CSTPP1: variants seen among roughly 807,000 people sequenced by gnomAD.
CSTPP1 encodes centriolar satellite-associated tubulin polyglutamylase complex regulator 1.
the CSTPP1 span, among the ~76,000 whole-genome samples, chr11:47,121,687 A>G: frequency 6.6e-6 from 1 of 152,106 alleles, no homozygotes; most frequent in Non-Finnish European, 1.5e-5. Context: ...GCAGAGTTTC[A>G]AGTCTCCCAA....
At chr11:47,137,658 G>T in the CSTPP1 span, 1 of 1,614,154 alleles carries the variant, frequency 6.2e-7, no homozygotes, top group Non-Finnish European at 8.5e-7. Flanking sequence ...TGCTGACCAT[G>T]AAAGAATATC....
chr11:47,025,990 G>A, the CSTPP1 span, among the ~76,000 whole-genome samples: 2 of 152,156 alleles, frequency 1.3e-5, no homozygotes, highest in African/African-American at 4.8e-5. Context: ...ATAGAGAGGA[G>A]GGGAAGGAAT....
At chr11:46,969,648 A>G in the CSTPP1 span, among the ~76,000 whole-genome samples, 1 of 152,266 alleles carries the variant, frequency 6.6e-6, no homozygotes. Context: ...ACTGATAAAT[A>G]AATTGTGGTA....
the CSTPP1 span, among the ~76,000 whole-genome samples, chr11:47,079,829 C>T: frequency 6.6e-6 from 1 of 152,136 alleles, no homozygotes; most frequent in Non-Finnish European, 1.5e-5. Context: ...CGCGGTGGCT[C>T]ACGCCTGTAA....
the CSTPP1 span, among the ~76,000 whole-genome samples, chr11:47,122,385 AG>A: frequency 3.3e-5 from 5 of 151,416 alleles, no homozygotes; most frequent in Non-Finnish European, 7.4e-5. Flanking sequence ...GGTGACTTAG[AG>A]GGGGAAGAAA....
chr11:47,057,662 G>A, the CSTPP1 span, among the ~76,000 whole-genome samples: 1 of 152,138 alleles, frequency 6.6e-6, no homozygotes, highest in Non-Finnish European at 1.5e-5. Context: ...CTGGGGTTTA[G>A]GGAGGCTGGA....
the CSTPP1 span, among the ~76,000 whole-genome samples, chr11:47,092,820 T>C: frequency 6.6e-6 from 1 of 152,200 alleles, no homozygotes. Flanking sequence ...TCTTTTAATC[T>C]GGAACAGACC....
At chr11:46,952,217 C>T in the CSTPP1 span, among the ~76,000 whole-genome samples, 3 of 152,218 alleles carry the variant, frequency 2.0e-5, no homozygotes, top group Non-Finnish European at 4.4e-5. Flanking sequence ...GCTAGCAGAG[C>T]AGTCATTCTG....
the CSTPP1 span, chr11:47,155,540 C>A: frequency 1.9e-6 from 1 of 523,114 alleles, no homozygotes. Flanking sequence ...ATGACAATAA[C>A]AACATCCATA....
chr11:46,950,375 G>A, the CSTPP1 span, among the ~76,000 whole-genome samples: 2 of 151,210 alleles, frequency 1.3e-5, no homozygotes, highest in African/African-American at 2.4e-5. Context: ...GAGTTTCACC[G>A]TGTTAGCCAG....
At chr11:47,100,494 G>C in the CSTPP1 span, among the ~76,000 whole-genome samples, 442 of 152,278 alleles carry the variant, frequency 2.9e-3, no homozygotes, top group Non-Finnish European at 4.7e-3. Flanking sequence ...AAATTTGTTA[G>C]CAATAATGTT....
At chr11:46,978,593 G>A in the CSTPP1 span, among the ~76,000 whole-genome samples, 4 of 152,138 alleles carry the variant, frequency 2.6e-5, no homozygotes, top group Non-Finnish European at 4.4e-5. Context: ...TGCCCCATAC[G>A]GTTTTTGTGC....
chr11:47,020,280 A>G, the CSTPP1 span, among the ~76,000 whole-genome samples: 2 of 152,232 alleles, frequency 1.3e-5, no homozygotes, highest in South Asian at 4.1e-4. Flanking sequence ...TTATAAATCA[A>G]TATTTTATGA....
the CSTPP1 span, among the ~76,000 whole-genome samples, chr11:46,975,619 A>C: frequency 2.0e-5 from 3 of 152,198 alleles, no homozygotes; most frequent in East Asian, 5.8e-4. Flanking sequence ...TGCTTTGTAC[A>C]AATGAAATGT....
chr11:47,028,772 CAA>C, the CSTPP1 span, among the ~76,000 whole-genome samples: 356 of 152,162 alleles, frequency 2.3e-3, no homozygotes, highest in African/African-American at 8.2e-3. Flanking sequence ...CACAAGGAAA[CAA>C]AGAACAAATC....
the CSTPP1 span, among the ~76,000 whole-genome samples, chr11:46,962,854 T>A: frequency 6.6e-6 from 1 of 152,100 alleles, no homozygotes; most frequent in African/African-American, 2.4e-5. Flanking sequence ...TTCAGGAAGC[T>A]AAGGTGGGAG....
At chr11:47,058,781 C>G in the CSTPP1 span, among the ~76,000 whole-genome samples, 2 of 152,122 alleles carry the variant, frequency 1.3e-5, no homozygotes, top group East Asian at 1.9e-4. Flanking sequence ...AAAGCCAATG[C>G]CAGGAGAAGC....
the CSTPP1 span, among the ~76,000 whole-genome samples, chr11:46,980,530 A>G: frequency 6.6e-6 from 1 of 152,372 alleles, no homozygotes; most frequent in East Asian, 1.9e-4. Flanking sequence ...AGGTGGCAGT[A>G]TCATGCAGTA....
At chr11:47,027,745 C>T in the CSTPP1 span, among the ~76,000 whole-genome samples, 2 of 152,104 alleles carry the variant, frequency 1.3e-5, no homozygotes, top group Non-Finnish European at 2.9e-5. Flanking sequence ...GATGGGTTCA[C>T]CTATCCTTAG....
Sources: allele counts gnomAD v4.1 joint callset (sites outside exome capture counted in the v4.1 genomes callset), GRCh38; gene constraint gnomAD v4.1.1; transcripts MANE v1.5; gene names NCBI Gene and HGNC (gene_info 2026-07-23, HGNC 2026-07-21).